Variants in CHST8 observed in about 807,000 individuals in gnomAD.
CHST8 encodes the protein carbohydrate sulfotransferase 8.
A neutral mutation model predicts 15.0 loss-of-function variants in CHST8; 10 were observed. That is an observed-to-expected ratio of 0.67 (90% confidence interval 0.41 to 1.13). The LOEUF is 1.13. Ranked by LOEUF, CHST8 falls within the 50% of genes most tolerant of loss-of-function variation. The pLI, the probability that CHST8 is intolerant of heterozygous loss-of-function variation, is 0.00. For synonymous variants in CHST8, 259 were observed against 256.6 expected, an observed-to-expected ratio of 1.01 and a Z score of -0.09; for missense variants, 634 against 608.2, an observed-to-expected ratio of 1.04 and a Z score of -0.45.
At chr19:33,757,672 C>T (rs770905969) in intron 3 of CHST8, among the ~76,000 whole-genome samples, 12 of 151,722 alleles carry the variant, frequency 7.9e-5, no homozygotes, top group Non-Finnish European at 1.6e-4. Context: ...GATGTCCCCA[C>T]AGCCAGCCAC....
At chr19:33,653,734 G>A (rs1291355624) in intron 1 of CHST8, among the ~76,000 whole-genome samples, 1 of 152,152 alleles carries the variant, frequency 6.6e-6, no homozygotes, top group Non-Finnish European at 1.5e-5. Flanking sequence ...CTATATAATG[G>A]AGGTAATAAT....
intron 1 of CHST8, among the ~76,000 whole-genome samples, chr19:33,664,206 TAA>T (rs1972622499): frequency 6.6e-6 from 1 of 152,188 alleles, no homozygotes; most frequent in Admixed American, 6.5e-5. Context: ...TTGTGTAATT[TAA>T]AGAGATATAT....
rs869057036 is a variant in CHST8, at chr19:33,650,518, C to CTTTTTTTTT, written c.-163-17228_-163-17220dup. The stretch of plus-strand genomic sequence containing the variant: ...TTCTTTTTCTTTTTCTTTTTCTTTT[C>CTTTTTTTTT]TTTTTTTTTTTTTTTTTTTTTTTTT... On this transcript the variant is annotated intron_variant, in intron 1 of 4. Coordinates refer to ENST00000650847, the MANE Select transcript of CHST8 (RefSeq NM_001127895.2). 2.6e-3 allele frequency among the ~76,000 whole-genome samples: 94 copies of CTTTTTTTTT among 36,108 alleles called. 3 individuals carry two copies. Among genetic ancestry groups the CTTTTTTTTT allele is most frequent in the Non-Finnish European group, 3.8e-3 (80 of 20,908 alleles). The allele number at this position is 36,108 out of a possible 152,430, so 23.7% of individuals were successfully genotyped here. A position where few individuals can be genotyped will look rare whatever the true frequency, so the allele number is the denominator to read the frequency against.
At chr19:33,647,399 T>C (rs989923315) in intron 1 of CHST8, among the ~76,000 whole-genome samples, 1 of 152,184 alleles carries the variant, frequency 6.6e-6, no homozygotes, top group Non-Finnish European at 1.5e-5. Flanking sequence ...GACCAAGGGC[T>C]GATCAGTGGG....
intron 3 of CHST8, among the ~76,000 whole-genome samples, chr19:33,769,970 G>A (rs1974938984): frequency 6.6e-6 from 1 of 152,176 alleles, no homozygotes; most frequent in Non-Finnish European, 1.5e-5. Flanking sequence ...TGGGACTTGA[G>A]GAAGGTTCGG....
Position 33,715,721 on chromosome 19 carries a change from G to A in CHST8, c.130+26330G>A, listed in dbSNP as rs139578181. Among the ~76,000 whole-genome samples, 152 of 152,284 alleles carry A rather than the reference G, an allele frequency of 1.0e-3. 1 individual carries two copies. The highest frequency in any genetic ancestry group is 3.5e-3 in the African/African-American group (145 of 41,568). On this transcript the variant is annotated intron_variant, in intron 3 of 4. Transcript: ENST00000650847. Reference sequence around the variant, plus strand: ...TCCCTGGCTGCCTGCATGAGCTTACGATCATGTCCAACCAGCTGCCTCTGC... The same window carrying A: ...TCCCTGGCTGCCTGCATGAGCTTACAATCATGTCCAACCAGCTGCCTCTGC...
intron 2 of CHST8, among the ~76,000 whole-genome samples, chr19:33,673,413 G>A (rs1485641870): frequency 6.6e-6 from 1 of 152,230 alleles, no homozygotes; most frequent in Admixed American, 6.5e-5. Flanking sequence ...TAAGGTGGGA[G>A]CCAGGGACCC....
chr19:33,736,450 G>A (rs1974085213), intron 3 of CHST8, among the ~76,000 whole-genome samples: 1 of 152,090 alleles, frequency 6.6e-6, no homozygotes, highest in Non-Finnish European at 1.5e-5. Context: ...CCTTCCCCGG[G>A]GAATAGTGAA....
intron 3 of CHST8, chr19:33,744,407 C>T: frequency 6.6e-6 from 1 of 152,248 alleles, no homozygotes; most frequent in Non-Finnish European, 1.5e-5. Flanking sequence ...GCTTCTGCAG[C>T]CCAGAAGATT....
intron 3 of CHST8, among the ~76,000 whole-genome samples, chr19:33,706,956 C>A: frequency 6.6e-6 from 1 of 152,100 alleles, no homozygotes. Flanking sequence ...CACTTTCACT[C>A]ACTTATTTTA....
chr19:33,719,441 G>A (rs562581003), intron 3 of CHST8, among the ~76,000 whole-genome samples: 2 of 152,268 alleles, frequency 1.3e-5, no homozygotes, highest in Admixed American at 1.3e-4. Flanking sequence ...AATTGTTCTA[G>A]GGGAAGTGTC....
intron 1 of CHST8, among the ~76,000 whole-genome samples, chr19:33,638,217 C>T (rs1246724102): frequency 6.6e-6 from 1 of 152,168 alleles, no homozygotes; most frequent in African/African-American, 2.4e-5. Context: ...CCACCGCTGA[C>T]GTTTTCCTCA....
In CHST8 at chr19:33,689,311, T is replaced by G. The variant is rs777730715; in HGVS notation, c.50T>G (p.Ile17Ser). The change falls in exon 3 of 5, where the codon ATC becomes AGC. Residue 17 changes from isoleucine to serine, a missense_variant. Coordinates refer to ENST00000650847, the MANE Select transcript of CHST8 (RefSeq NM_001127895.2). The stretch of plus-strand genomic sequence containing the variant: ...CGGCTGGCCTGCATGTTCTCTTCCA[T>G]CCTGCTGTTCGGAGCTGCAGGCCTC... ...TMRLACMFSS[I>S]LLFGAAGLLL... is the part of the protein sequence containing the mutation. 6.2e-7 allele frequency: 1 copy of G among 1,609,694 alleles called. No homozygotes were observed. Among genetic ancestry groups the G allele is most frequent in the East Asian group, 2.2e-5 (1 of 44,522 alleles).
intron 1 of CHST8, among the ~76,000 whole-genome samples, chr19:33,667,369 C>G (rs1248653035): frequency 6.6e-6 from 1 of 152,266 alleles, no homozygotes; most frequent in East Asian, 1.9e-4. Context: ...TCGCGCAGCC[C>G]GACGGCTGGC....
chr19:33,690,716 G>A (rs1026277288), intron 3 of CHST8, among the ~76,000 whole-genome samples: 9 of 152,236 alleles, frequency 5.9e-5, no homozygotes, highest in Admixed American at 5.9e-4. Context: ...TGGAGCAGCA[G>A]GTGCGCAGCA....
intron 3 of CHST8, among the ~76,000 whole-genome samples, chr19:33,739,611 A>G (rs1430274098): frequency 6.6e-6 from 1 of 152,216 alleles, no homozygotes; most frequent in African/African-American, 2.4e-5. Context: ...ATATTTGTGA[A>G]TGCGTGGATG....
At chr19:33,766,240 T>G (rs1460249284) in intron 3 of CHST8, among the ~76,000 whole-genome samples, 2 of 151,896 alleles carry the variant, frequency 1.3e-5, no homozygotes, top group African/African-American at 4.8e-5. Context: ...CCCTCTCTCT[T>G]TCTCTCCGTC....
At chr19:33,702,833 C>T (rs929392960) in intron 3 of CHST8, among the ~76,000 whole-genome samples, 6 of 152,186 alleles carry the variant, frequency 3.9e-5, no homozygotes, top group Non-Finnish European at 5.9e-5. Context: ...GAGGAGGAAG[C>T]GGAGGTCACA....
chr19:33,759,654 C>T (rs1443191261), intron 3 of CHST8, among the ~76,000 whole-genome samples: 1 of 152,218 alleles, frequency 6.6e-6, no homozygotes, highest in East Asian at 1.9e-4. Context: ...CTCCAACTGC[C>T]CTCTGGATGT....
Sources: allele counts gnomAD v4.1 joint callset (sites outside exome capture counted in the v4.1 genomes callset), GRCh38; gene constraint gnomAD v4.1.1; transcripts MANE v1.5; gene names NCBI Gene and HGNC (gene_info 2026-07-23, HGNC 2026-07-21).